The following RABGAP1L variants were observed in gnomAD, a reference collection of about 807,000 sequenced individuals.
RABGAP1L encodes RAB GTPase activating protein 1 like.
A neutral mutation model predicts 137.7 loss-of-function variants in RABGAP1L; 63 were observed. That is an observed-to-expected ratio of 0.46 (90% CI 0.37 to 0.56). RABGAP1L has a LOEUF of 0.56. Ranked by LOEUF, RABGAP1L falls within the 20% of genes least tolerant of loss-of-function variation. The probability of loss-of-function intolerance (pLI) is 0.00; values close to 1 mark genes in which losing one functional copy is unlikely to be tolerated. For synonymous variants in RABGAP1L, 431 were observed against 433.7 expected (o/e 0.99, Z 0.08); for missense variants, 1,095 against 1,244.0 (o/e 0.88, Z 1.80).
chr1:174,570,132 C>T (rs1186907748), intron 13 of RABGAP1L, among the ~76,000 whole-genome samples: 1 of 152,080 alleles, frequency 6.6e-6, no homozygotes, highest in Non-Finnish European at 1.5e-5. Flanking sequence ...ACCAGTTGAC[C>T]AGTTGCTGAC....
At chr1:174,355,405 T>C (rs946954707) in intron 11 of RABGAP1L, among the ~76,000 whole-genome samples, 5 of 145,210 alleles carry the variant, frequency 3.4e-5, no homozygotes, top group Admixed American at 2.1e-4. Flanking sequence ...TAGGTGGGAA[T>C]TGAACAATGA....
chr1:174,579,146 G>A (rs1301529048), intron 13 of RABGAP1L, among the ~76,000 whole-genome samples: 2 of 152,052 alleles, frequency 1.3e-5, no homozygotes, highest in African/African-American at 2.4e-5. Flanking sequence ...TTAATGTTGA[G>A]TACAATGTTG....
At chr1:174,674,840 G>T (rs1302097362) in intron 14 of RABGAP1L, among the ~76,000 whole-genome samples, 2 of 152,246 alleles carry the variant, frequency 1.3e-5, no homozygotes, top group African/African-American at 4.8e-5. Context: ...GATGGCCAGT[G>T]ATGATGAGCA....
chr1:174,368,255 T>C (rs1169222815), intron 11 of RABGAP1L, among the ~76,000 whole-genome samples: 2 of 152,204 alleles, frequency 1.3e-5, no homozygotes, highest in Non-Finnish European at 2.9e-5. Context: ...GTAAAACATA[T>C]TGATGGATTG....
At chr1:174,619,868 C>T (rs1360130327) in intron 13 of RABGAP1L, among the ~76,000 whole-genome samples, 3 of 152,144 alleles carry the variant, frequency 2.0e-5, no homozygotes. Context: ...AGTCAGGACC[C>T]ATCAGTGTGC....
chr1:174,309,759 G>A (rs559405798), intron 11 of RABGAP1L, among the ~76,000 whole-genome samples: 13 of 151,998 alleles, frequency 8.6e-5, no homozygotes, highest in Non-Finnish European at 1.6e-4. Flanking sequence ...GTATTCTAGT[G>A]TTCTGTTGAG....
chr1:174,714,036 T>C (rs756272212), intron 17 of RABGAP1L, among the ~76,000 whole-genome samples: 24 of 152,246 alleles, frequency 1.6e-4, no homozygotes, highest in Non-Finnish European at 2.4e-4. Flanking sequence ...CCTGCAGTTA[T>C]TCCCTTCCTT....
At chr1:174,772,529 C>G (rs1245444236) in intron 18 of RABGAP1L, among the ~76,000 whole-genome samples, 1 of 138,822 alleles carries the variant, frequency 7.2e-6, no homozygotes, top group African/African-American at 2.8e-5. Flanking sequence ...GATCGCACCA[C>G]TGCACTCCAG....
intron 13 of RABGAP1L, among the ~76,000 whole-genome samples, chr1:174,398,658 A>C (rs1425157679): frequency 6.6e-6 from 1 of 152,180 alleles, no homozygotes; most frequent in Non-Finnish European, 1.5e-5. Flanking sequence ...CCATCTATAT[A>C]TTCTTGACCA....
intron 13 of RABGAP1L, among the ~76,000 whole-genome samples, chr1:174,598,658 C>T (rs925841679): frequency 6.6e-6 from 1 of 151,894 alleles, no homozygotes; most frequent in Non-Finnish European, 1.5e-5. Flanking sequence ...TATATAATGA[C>T]CTTTTGGTCT....
At chr1:174,711,481 C>T (rs930418357) in intron 17 of RABGAP1L, among the ~76,000 whole-genome samples, 4 of 152,200 alleles carry the variant, frequency 2.6e-5, no homozygotes, top group Non-Finnish European at 4.4e-5. Flanking sequence ...TGGCGGACCC[C>T]GCACTCGGAG....
chr1:174,373,272 A>T (rs978028394), intron 12 of RABGAP1L, among the ~76,000 whole-genome samples: 29 of 152,176 alleles, frequency 1.9e-4, no homozygotes, highest in African/African-American at 6.8e-4. Flanking sequence ...CCAGGCTGGG[A>T]AACAGGAAGC....
Position 174,614,664 on chromosome 1 carries a change from G to T in RABGAP1L, c.1711-22711G>T, listed in dbSNP as rs527813523. Among the ~76,000 whole-genome samples, 20 of 152,300 alleles carry T rather than the reference G, an allele frequency of 1.3e-4. No individual in the cohort carries two copies. The South Asian group carries it at 1.9e-3, about 14-fold the overall frequency. On this transcript the variant is annotated intron_variant, in intron 13 of 25. Coordinates refer to ENST00000681986, the MANE Select transcript of RABGAP1L (RefSeq NM_001366446.1). ...GGGAAGTTCTCCTGAATAACATCCT[G>T]CAGAGTGTTTTCCAACTTGGTTCCA...
At chr1:174,621,453 A>G (rs977312693) in intron 13 of RABGAP1L, among the ~76,000 whole-genome samples, 1 of 152,204 alleles carries the variant, frequency 6.6e-6, no homozygotes, top group Admixed American at 6.5e-5. Context: ...ACTTCAAACT[A>G]TACTACAAGG....
chr1:174,928,337 G>A (rs1424967399), intron 19 of RABGAP1L, among the ~76,000 whole-genome samples: 1 of 151,626 alleles, frequency 6.6e-6, no homozygotes, highest in Non-Finnish European at 1.5e-5. Context: ...TTGAAATTGT[G>A]TATGGTCTTT....
chr1:174,615,959 C>T (rs376494875), intron 13 of RABGAP1L, among the ~76,000 whole-genome samples: 5 of 152,206 alleles, frequency 3.3e-5, no homozygotes, highest in Middle Eastern at 3.2e-3. Context: ...GGGAGTTACC[C>T]GATTTTCCAG....
At chr1:174,561,705 C>T (rs547411785) in intron 13 of RABGAP1L, among the ~76,000 whole-genome samples, 1 of 152,272 alleles carries the variant, frequency 6.6e-6, no homozygotes, top group African/African-American at 2.4e-5. Context: ...AATAACACCA[C>T]ACATCTACAA....
At position 174,448,913 on chromosome 1, in the gene RABGAP1L, T is replaced by C; in HGVS notation, c.1710+54768T>C. The C allele has an allele frequency of 6.2e-7, 1 of 1,613,814 alleles. No individual in the cohort carries two copies. The highest frequency in any genetic ancestry group is 8.5e-7 in the Non-Finnish European group (1 of 1,179,696). Reference sequence around the variant, plus strand: ...TGACCGTCGCTACGCCATGGTTTTGTTTAGGATAACCAGTGTATTTTATAT... The same window carrying C: ...TGACCGTCGCTACGCCATGGTTTTGCTTAGGATAACCAGTGTATTTTATAT... On this transcript the variant is annotated intron_variant, in intron 13 of 25. Coordinates refer to ENST00000681986, the MANE Select transcript of RABGAP1L (RefSeq NM_001366446.1). The surrounding 1 kb of genome is among the most constrained non-coding windows in gnomAD (Gnocchi z 4.2).
Position 174,869,293 on chromosome 1 carries a change from TGAGTGGATCATGGGG to T in RABGAP1L, c.2340+57348_2340+57362del, listed in dbSNP as rs550735046. On this transcript the variant is annotated intron_variant, in intron 19 of 25. Transcript: ENST00000681986. The stretch of plus-strand genomic sequence containing the variant: ...ATCCCCACATGTCCAGGGAGGGAGG[TGAGTGGATCATGGGG>T]GAGTGGATCATGGGAGGTGAGTGGA... Among the ~76,000 whole-genome samples, 105 of 151,628 alleles carry T rather than the reference TGAGTGGATCATGGGG, an allele frequency of 6.9e-4. 1 individual carries two copies. Among genetic ancestry groups the T allele is most frequent in the Middle Eastern group, 3.4e-3 (1 of 294 alleles).
Sources: gnomAD v4.1 joint callset for allele counts (sites outside exome capture counted in the v4.1 genomes callset) on GRCh38, gnomAD v4.1.1 for gene constraint, Gnocchi (gnomAD v3.1) non-coding constraint, MANE v1.5 for transcripts, NCBI Gene and HGNC (gene_info 2026-07-23, HGNC 2026-07-21) for gene names.